Variants in RSU1 observed in about 807,000 individuals in gnomAD.
The protein encoded by RSU1 is Ras suppressor protein 1.
Under a neutral mutation model 31.1 loss-of-function variants are expected in RSU1, and 26 were observed. The observed-to-expected ratio is 0.84, with a 90% confidence interval of 0.61 to 1.16. RSU1 has a LOEUF of 1.16. Ranked by LOEUF, RSU1 falls within the 50% of genes most tolerant of loss-of-function variation. RSU1 has a pLI of 0.00. For missense variants in RSU1, 320 were observed against 339.1 expected, an observed-to-expected ratio of 0.94 and a Z score of 0.44; for synonymous variants, 164 against 136.3, an observed-to-expected ratio of 1.20 and a Z score of -1.41.
intron 7 of RSU1, among the ~76,000 whole-genome samples, chr10:16,703,285 G>A (rs1194815765): frequency 2.6e-5 from 4 of 152,120 alleles, no homozygotes; most frequent in African/African-American, 7.2e-5. Context: ...GACTAATACA[G>A]CAGCGTTGGT....
chr10:16,598,162 G>T (rs1030296238), intron 8 of RSU1, among the ~76,000 whole-genome samples: 1 of 152,208 alleles, frequency 6.6e-6, no homozygotes, highest in African/African-American at 2.4e-5. Context: ...CTGCAGGCAT[G>T]ACTTAGTTAA....
chr10:16,676,182 C>T (rs900487176), intron 8 of RSU1, among the ~76,000 whole-genome samples: 9 of 152,172 alleles, frequency 5.9e-5, no homozygotes, highest in Non-Finnish European at 1.3e-4. Context: ...TGTATTAGTC[C>T]ATTTTCATAC....
intron 2 of RSU1, among the ~76,000 whole-genome samples, chr10:16,782,305 G>C (rs1029432981): frequency 6.6e-6 from 1 of 152,224 alleles, no homozygotes; most frequent in Non-Finnish European, 1.5e-5. Flanking sequence ...CAGCAAGTTA[G>C]AGCTAATCAG....
At chr10:16,697,229 T>C (rs953647045) in intron 7 of RSU1, among the ~76,000 whole-genome samples, 1 of 152,178 alleles carries the variant, frequency 6.6e-6, no homozygotes, top group African/African-American at 2.4e-5. Flanking sequence ...CAGCTCAATA[T>C]ATCTCTCTTA....
intron 7 of RSU1, among the ~76,000 whole-genome samples, chr10:16,734,965 A>T (rs1836594322): frequency 6.6e-6 from 1 of 152,170 alleles, no homozygotes; most frequent in Non-Finnish European, 1.5e-5. Context: ...ACACAGGGAG[A>T]AAAGGGCCAC....
chr10:16,656,357 T>C (rs1377126696), intron 8 of RSU1, among the ~76,000 whole-genome samples: 1 of 152,214 alleles, frequency 6.6e-6, no homozygotes, highest in East Asian at 1.9e-4. Flanking sequence ...CTGCCTAGGA[T>C]TCAATCATAT....
At chr10:16,816,894 A>G in intron 2 of RSU1, 79 bp downstream of exon 2, 2 of 1,010,448 alleles carry the variant, frequency 2.0e-6, no homozygotes, top group Non-Finnish European at 3.1e-6. Flanking sequence ...ACAATCGCTC[A>G]CAGCAGGACC....
chr10:16,815,582 CTG>C (rs1475643189), intron 2 of RSU1, among the ~76,000 whole-genome samples: 3 of 152,196 alleles, frequency 2.0e-5, no homozygotes, highest in Non-Finnish European at 4.4e-5. Context: ...TGAGCATCTA[CTG>C]TGCTCCAGGC....
At chr10:16,660,991 TCTA>T (rs1834878986) in intron 8 of RSU1, among the ~76,000 whole-genome samples, 2 of 152,140 alleles carry the variant, frequency 1.3e-5, no homozygotes, top group Admixed American at 1.3e-4. Flanking sequence ...TTTTAACCTA[TCTA>T]CTGAAATTTT....
At chr10:16,697,475 C>T (rs1835701330) in intron 7 of RSU1, among the ~76,000 whole-genome samples, 1 of 151,926 alleles carries the variant, frequency 6.6e-6, no homozygotes. Flanking sequence ...GGCAATTTGG[C>T]CAACATGGCA....
At chr10:16,696,281 T>C (rs1221121172) in intron 7 of RSU1, among the ~76,000 whole-genome samples, 2 of 152,160 alleles carry the variant, frequency 1.3e-5, no homozygotes, top group Non-Finnish European at 2.9e-5. Context: ...TATGTTTTCA[T>C]AGATGGTAAC....
chr10:16,709,373 A>G (rs1588484464), intron 7 of RSU1, among the ~76,000 whole-genome samples: 1 of 152,014 alleles, frequency 6.6e-6, no homozygotes, highest in African/African-American at 2.4e-5. Context: ...TATGTGCCAC[A>G]TTTTCTTAAT....
At chr10:16,711,929 CT>C (rs1836029517) in intron 7 of RSU1, among the ~76,000 whole-genome samples, 1 of 152,054 alleles carries the variant, frequency 6.6e-6, no homozygotes, top group Admixed American at 6.5e-5. Context: ...TCTGATATTT[CT>C]TTGCCAAACT....
Position 16,751,441 on chromosome 10 carries a change from A to G in RSU1, c.598+1098T>C, listed in dbSNP as rs528591859. 1.5e-4 allele frequency among the ~76,000 whole-genome samples: 23 copies of G among 152,304 alleles called. No homozygotes were observed. In the South Asian group the frequency reaches 4.8e-3, roughly 32 times the overall value. On this transcript the variant is annotated intron_variant, in intron 7 of 8. Coordinates refer to ENST00000345264, the MANE Select transcript of RSU1 (RefSeq NM_012425.4). ...GTGACTGCCTTCCCTTTAGACTAAT[A>G]TGGCTGCCAACAGAACTCAAGGTGC...
intron 2 of RSU1, among the ~76,000 whole-genome samples, chr10:16,790,821 C>G (rs981654949): frequency 5.9e-5 from 9 of 152,140 alleles, no homozygotes; most frequent in African/African-American, 2.2e-4. Context: ...CTCTCTTTCT[C>G]CTGCTCCCAT....
At chr10:16,644,364 C>T (rs550820957) in intron 8 of RSU1, among the ~76,000 whole-genome samples, 1 of 152,278 alleles carries the variant, frequency 6.6e-6, no homozygotes, top group African/African-American at 2.4e-5. Flanking sequence ...CCTTTCCTAC[C>T]CTAAGGAGAC....
At chr10:16,663,233 A>T (rs1433229092) in intron 8 of RSU1, among the ~76,000 whole-genome samples, 13 of 152,150 alleles carry the variant, frequency 8.5e-5, no homozygotes. Flanking sequence ...ATCCTGTTCT[A>T]AACAAAGGGC....
chr10:16,673,721 A>G (rs1490785175), intron 8 of RSU1, among the ~76,000 whole-genome samples: 2 of 152,174 alleles, frequency 1.3e-5, no homozygotes, highest in African/African-American at 4.8e-5. Flanking sequence ...ATGCTTCTCA[A>G]TGGGGCTGAT....
chr10:16,661,313 T>TGTGC (rs1244604140), intron 8 of RSU1, among the ~76,000 whole-genome samples: 1 of 151,648 alleles, frequency 6.6e-6, no homozygotes, highest in Non-Finnish European at 1.5e-5. Context: ...TGTGTGTGTG[T>TGTGC]GTGTGTGTGT....
Sources: gnomAD v4.1 joint callset for allele counts (sites outside exome capture counted in the v4.1 genomes callset) on GRCh38, gnomAD v4.1.1 for gene constraint, MANE v1.5 for transcripts, NCBI Gene and HGNC (gene_info 2026-07-23, HGNC 2026-07-21) for gene names.